The following TLN2 variants were observed in gnomAD, a reference collection of about 807,000 sequenced individuals.
TLN2 encodes talin-2.
In TLN2, 118 loss-of-function variants were observed where a neutral mutation model predicts 294.7. The ratio of observed to expected loss-of-function variants is 0.40; its 90% CI spans 0.34 to 0.47. The LOEUF is 0.47. TLN2 is among the 20% of genes least tolerant of loss of function. The pLI is 0.84. For synonymous variants in TLN2, 1,431 were observed against 1,304.5 expected (o/e 1.10, Z -2.09); for missense variants, 3,083 against 3,282.2 (o/e 0.94, Z 1.48).
intron 54 of TLN2, 155 bp from the exon 55 acceptor site, chr15:62,833,349 G>A: frequency 8.4e-7 from 1 of 1,190,902 alleles, no homozygotes; most frequent in Non-Finnish European, 1.2e-6. Flanking sequence ...CCTGTCATCT[G>A]CTTCTTGTTA....
At chr15:62,578,970 T>G (rs1022088630) in intron 1 of TLN2, among the ~76,000 whole-genome samples, 1 of 152,124 alleles carries the variant, frequency 6.6e-6, no homozygotes, top group East Asian at 1.9e-4. Flanking sequence ...ATAGAATGAG[T>G]TGCCATTTTA....
chr15:62,575,949 AT>A (rs1442922066), intron 1 of TLN2, among the ~76,000 whole-genome samples: 1 of 152,086 alleles, frequency 6.6e-6, no homozygotes, highest in African/African-American at 2.4e-5. Flanking sequence ...GTCAGATGTA[AT>A]TTTGTCTTAT....
At chr15:62,765,356 G>C (rs962154166) in intron 40 of TLN2, among the ~76,000 whole-genome samples, 1 of 147,626 alleles carries the variant, frequency 6.8e-6, no homozygotes, top group Non-Finnish European at 1.5e-5. Flanking sequence ...TTTCAAGTTT[G>C]CATGTTAGTC....
chr15:62,650,292 C>A, intron 5 of TLN2, 111 bp downstream of exon 5: 1 of 1,065,520 alleles, frequency 9.4e-7, no homozygotes, highest in South Asian at 1.5e-5. Context: ...ATTAATAGTT[C>A]GATGCATTGT....
intron 1 of TLN2, among the ~76,000 whole-genome samples, chr15:62,437,683 G>A (rs1304668813): frequency 6.6e-6 from 1 of 152,066 alleles, no homozygotes; most frequent in African/African-American, 2.4e-5. Context: ...TCAGGATACT[G>A]ATGCCTCTGT....
chr15:62,547,831 C>T (rs900225455), intron 1 of TLN2, among the ~76,000 whole-genome samples: 3 of 152,140 alleles, frequency 2.0e-5, no homozygotes, highest in Admixed American at 1.3e-4. Flanking sequence ...GTGACAGGGC[C>T]GTGGCCAATT....
At chr15:62,746,410 G>T (rs2061612927) in intron 32 of TLN2, among the ~76,000 whole-genome samples, 1 of 152,122 alleles carries the variant, frequency 6.6e-6, no homozygotes, top group South Asian at 2.1e-4. Flanking sequence ...GTTTTGCTTT[G>T]CACCATAGAG....
chr15:62,427,867 C>T (rs1160219688), intron 1 of TLN2, among the ~76,000 whole-genome samples: 2 of 152,302 alleles, frequency 1.3e-5, no homozygotes, highest in Non-Finnish European at 2.9e-5. Flanking sequence ...CAGCTTCTTA[C>T]CTGAAAACTG....
intron 43 of TLN2, among the ~76,000 whole-genome samples, chr15:62,780,771 CCCT>C (rs1287594738): frequency 8.5e-4 from 129 of 152,350 alleles, no homozygotes; most frequent in African/African-American, 3.1e-3. Flanking sequence ...CTTTGCGCTT[CCCT>C]AGAAGTGTCA....
At chr15:62,670,433 G>A (rs1034595134) in intron 9 of TLN2, among the ~76,000 whole-genome samples, 9 of 152,130 alleles carry the variant, frequency 5.9e-5, no homozygotes, top group African/African-American at 9.7e-5. Context: ...TGTTGGTGCC[G>A]TCCAATTCTC....
chr15:62,808,096 C>T (rs550040786), intron 51 of TLN2, among the ~76,000 whole-genome samples: 91 of 152,278 alleles, frequency 6.0e-4, no homozygotes, highest in Non-Finnish European at 1.2e-3. Flanking sequence ...TCAGCCCACA[C>T]ACGGAGGGGC....
chr15:62,584,485 T>C (rs1186787303), intron 1 of TLN2, among the ~76,000 whole-genome samples: 1 of 152,244 alleles, frequency 6.6e-6, no homozygotes, highest in Non-Finnish European at 1.5e-5. Flanking sequence ...GTGTTGACGC[T>C]GTCTACTTGC....
chr15:62,606,248 A>ATTTT (rs771750764), intron 2 of TLN2, among the ~76,000 whole-genome samples: 12,855 of 136,564 alleles, frequency 0.094, 719 homozygotes, highest in East Asian at 0.16. Context: ...TGCTTGGCTA[A>ATTTT]TTTTTTTTTT....
intron 28 of TLN2, among the ~76,000 whole-genome samples, chr15:62,736,575 TCA>T (rs796413744): frequency 1.5e-4 from 23 of 152,306 alleles, no homozygotes; most frequent in African/African-American, 5.1e-4. Context: ...ATCTGTGTAC[TCA>T]CTGCCATGCA....
chr15:62,437,349 G>C (rs2035333610), intron 1 of TLN2, among the ~76,000 whole-genome samples: 1 of 151,990 alleles, frequency 6.6e-6, no homozygotes, highest in Non-Finnish European at 1.5e-5. Flanking sequence ...GGTGGTGGCT[G>C]CTGAGAGAGA....
intron 1 of TLN2, among the ~76,000 whole-genome samples, chr15:62,454,104 GC>G (rs2036321527): frequency 6.6e-6 from 1 of 152,202 alleles, no homozygotes. Flanking sequence ...TGGTAGACAT[GC>G]TTTATTTTGG....
chr15:62,464,172 C>T (rs910430541), intron 1 of TLN2, among the ~76,000 whole-genome samples: 17 of 152,238 alleles, frequency 1.1e-4, no homozygotes, highest in African/African-American at 4.1e-4. Flanking sequence ...TGGAACCAAC[C>T]CACATGTCTA....
At chr15:62,807,518 T>C (rs762177366) in intron 51 of TLN2, among the ~76,000 whole-genome samples, 2 of 152,218 alleles carry the variant, frequency 1.3e-5, no homozygotes, top group Non-Finnish European at 2.9e-5. Flanking sequence ...CTATGGTTGA[T>C]GCGTGACAGA....
chr15:62,437,962 A>G (rs563215949), intron 1 of TLN2, among the ~76,000 whole-genome samples: 1 of 152,184 alleles, frequency 6.6e-6, no homozygotes, highest in Non-Finnish European at 1.5e-5. Flanking sequence ...AGCACCACAC[A>G]TCTATGGACC....
Sources: gnomAD v4.1 joint callset for allele counts (sites outside exome capture counted in the v4.1 genomes callset) on GRCh38, gnomAD v4.1.1 for gene constraint, MANE v1.5 for transcripts, NCBI Gene and HGNC (gene_info 2026-07-23, HGNC 2026-07-21) for gene names.